The following GPC3 variants were observed in gnomAD, a reference collection of about 807,000 sequenced individuals.
The protein encoded by GPC3 is glypican 3.
A neutral mutation model predicts 34.4 loss-of-function variants in GPC3; 3 were observed. That is an observed-to-expected ratio of 0.09 (90% CI 0.04 to 0.23). The LOEUF is 0.23. GPC3 is among the 10% of genes least tolerant of loss of function. GPC3 has a pLI of 1.00. For synonymous variants in GPC3, 177 were observed against 174.0 expected (o/e 1.02, Z -0.13); for missense variants, 351 against 445.6 (o/e 0.79, Z 1.91).
At chrX:133,817,951 C>A (rs1351815697) in intron 2 of GPC3, among the ~76,000 whole-genome samples, 1 of 110,708 alleles carries the variant, frequency 9.0e-6, no homozygotes, top group Non-Finnish European at 1.9e-5. Context: ...TTATATTGAG[C>A]TTCATTGGGT....
intron 3 of GPC3, among the ~76,000 whole-genome samples, chrX:133,717,617 C>T: frequency 9.0e-6 from 1 of 110,792 alleles, no homozygotes; most frequent in Non-Finnish European, 1.9e-5. Flanking sequence ...ACGAGGACCC[C>T]CTTAGAGTTG....
intron 7 of GPC3, among the ~76,000 whole-genome samples, chrX:133,558,179 G>C (rs1177663775): frequency 9.0e-6 from 1 of 111,494 alleles, no homozygotes; most frequent in South Asian, 3.8e-4. Flanking sequence ...TCACCCAGGG[G>C]AGAAATGTGA....
Position 133,878,238 on chromosome X carries a change from G to T in GPC3, c.337+74812C>A, listed in dbSNP as rs916372139. 5.4e-5 allele frequency among the ~76,000 whole-genome samples: 6 copies of T among 110,981 alleles called. No individual in the cohort carries two copies. The Admixed American group carries it at 5.7e-4, about 11-fold the overall frequency. ...AGGTCAGGAGGTCAAGACCAGCCTG[G>T]CCAACGTGGTGAAACTCTGTCTCTA... On this transcript the variant is annotated intron_variant, in intron 2 of 7. Coordinates refer to ENST00000370818, the MANE Select transcript of GPC3 (RefSeq NM_004484.4).
Position 133,711,988 on chromosome X carries a change from C to T in GPC3, c.1033-11960G>A, listed in dbSNP as rs1412836238. ...ATTTTGTAGTCTTGTTTTGCAATAACACTTTAAAATATTTTTTGAAGAATA... is the reference window on the plus strand; with the variant it reads ...ATTTTGTAGTCTTGTTTTGCAATAATACTTTAAAATATTTTTTGAAGAATA... On this transcript the variant is annotated intron_variant, in intron 3 of 7. Transcript: ENST00000370818. Among the ~76,000 whole-genome samples, 6 of 112,106 alleles carry T rather than the reference C, an allele frequency of 5.4e-5. No individual in the cohort carries two copies. The Admixed American group carries it at 5.7e-4, about 11-fold the overall frequency.
intron 2 of GPC3, among the ~76,000 whole-genome samples, chrX:133,908,504 C>G: frequency 8.9e-6 from 1 of 111,810 alleles, no homozygotes; most frequent in South Asian, 3.8e-4. Context: ...CTAACCAAGA[C>G]TTGAAGGGTC....
chrX:133,704,371 T>C (rs2071195579), intron 3 of GPC3: 1 of 361,044 alleles, frequency 2.8e-6, no homozygotes. Flanking sequence ...CTGAGGAACC[T>C]GTAATAAAAG....
At chrX:133,747,211 T>G (rs2071620540) in intron 3 of GPC3, among the ~76,000 whole-genome samples, 1 of 111,945 alleles carries the variant, frequency 8.9e-6, no homozygotes, top group Non-Finnish European at 1.9e-5. Context: ...AAAAACTATG[T>G]GTTGGTCCAA....
At chrX:133,913,506 A>G (rs887423469) in intron 2 of GPC3, among the ~76,000 whole-genome samples, 4 of 112,271 alleles carry the variant, frequency 3.6e-5, no homozygotes, top group African/African-American at 1.3e-4. Flanking sequence ...TGAGAAGAAA[A>G]AGTCAATAAT....
chrX:133,693,408 G>A (rs902614466), intron 4 of GPC3, among the ~76,000 whole-genome samples: 4 of 111,633 alleles, frequency 3.6e-5, no homozygotes, highest in African/African-American at 1.3e-4. Flanking sequence ...TGTAATAGAT[G>A]TACAGTGGTA....
intron 2 of GPC3, among the ~76,000 whole-genome samples, chrX:133,757,034 G>A (rs150187422): frequency 8.9e-6 from 1 of 112,471 alleles, no homozygotes; most frequent in Non-Finnish European, 1.9e-5. Flanking sequence ...AGATAATAAG[G>A]TACACTTCAA....
intron 7 of GPC3, among the ~76,000 whole-genome samples, chrX:133,564,936 A>G (rs2069569808): frequency 8.9e-6 from 1 of 112,283 alleles, no homozygotes; most frequent in South Asian, 3.7e-4. Context: ...CTTTCTCTCA[A>G]GGATCTTTCT....
At chrX:133,960,724 T>C (rs1216193081) in intron 1 of GPC3, among the ~76,000 whole-genome samples, 1 of 110,909 alleles carries the variant, frequency 9.0e-6, no homozygotes, top group Non-Finnish European at 1.9e-5. Context: ...CAAAAGTACT[T>C]TGTGCTGAAA....
chrX:133,758,688 A>G (rs953557899), intron 2 of GPC3, among the ~76,000 whole-genome samples: 4 of 111,312 alleles, frequency 3.6e-5, no homozygotes, highest in African/African-American at 1.3e-4. Context: ...CTTCACATGT[A>G]CCCTGAAACT....
At chrX:133,855,712 T>C (rs1393665555) in intron 2 of GPC3, among the ~76,000 whole-genome samples, 1 of 110,112 alleles carries the variant, frequency 9.1e-6, no homozygotes, top group Non-Finnish European at 1.9e-5. Flanking sequence ...CTGGATCTTT[T>C]GACTTTTTCA....
intron 6 of GPC3, among the ~76,000 whole-genome samples, chrX:133,612,928 T>C (rs1265384404): frequency 8.9e-6 from 1 of 111,768 alleles, no homozygotes; most frequent in Non-Finnish European, 1.9e-5. Context: ...TGATTGGCAG[T>C]GGAAATTATA....
In GPC3 at chrX:133,928,045, C is replaced by A. The variant is rs941520245; in HGVS notation, c.337+25005G>T. Among the ~76,000 whole-genome samples the A allele has an allele frequency of 1.8e-4, 20 of 109,917 alleles. No individual in the cohort carries two copies. In the Admixed American group the frequency reaches 1.9e-3, roughly 10 times the overall value. ...AGTCCTCATGTATTATATATTAGATCTTTCGACTTGTTCATCCTAAATATC... is the reference window on the plus strand; with the variant it reads ...AGTCCTCATGTATTATATATTAGATATTTCGACTTGTTCATCCTAAATATC... On this transcript the variant is annotated intron_variant, in intron 2 of 7. Coordinates refer to ENST00000370818, the MANE Select transcript of GPC3 (RefSeq NM_004484.4).
intron 6 of GPC3, among the ~76,000 whole-genome samples, chrX:133,657,898 C>CAGAGAGAGAGAGAGAG (rs749162174): frequency 7.1e-4 from 61 of 85,546 alleles, no homozygotes; most frequent in African/African-American, 2.8e-3. Context: ...GGCATACATG[C>CAGAGAGAGAGAGAGAG]AGAGAGAGAG....
intron 1 of GPC3, among the ~76,000 whole-genome samples, chrX:133,954,606 G>A (rs1192807532): frequency 9.0e-6 from 1 of 110,727 alleles, no homozygotes; most frequent in Non-Finnish European, 1.9e-5. Context: ...TAACGTTTGA[G>A]GAGAGATGAG....
At chrX:133,702,777 C>T (rs1055614981) in intron 3 of GPC3, among the ~76,000 whole-genome samples, 1 of 111,673 alleles carries the variant, frequency 9.0e-6, no homozygotes, top group African/African-American at 3.3e-5. Flanking sequence ...TGGTGTCCTG[C>T]CAATAACCCT....
Sources: gnomAD v4.1 joint callset for allele counts (sites outside exome capture counted in the v4.1 genomes callset) on GRCh38, gnomAD v4.1.1 for gene constraint, MANE v1.5 for transcripts, NCBI Gene and HGNC (gene_info 2026-07-23, HGNC 2026-07-21) for gene names.